Variants in KLK5 observed in about 807,000 individuals in gnomAD.
KLK5 encodes the protein kallikrein-5.
In KLK5, 18 loss-of-function variants were observed where a neutral mutation model predicts 24.0. The ratio of observed to expected loss-of-function variants is 0.75; its 90% CI spans 0.52 to 1.11. The LOEUF is 1.11. KLK5 is among the 50% of genes most tolerant of loss of function. KLK5 has a pLI of 0.00. For synonymous variants in KLK5, 140 were observed against 154.0 expected (o/e 0.91, Z 0.67); for missense variants, 374 against 379.2 (o/e 0.99, Z 0.11).
chr19:50,944,531 C>G (rs1218453280), intron 5 of KLK5, among the ~76,000 whole-genome samples: 3 of 152,128 alleles, frequency 2.0e-5, no homozygotes, highest in Admixed American at 1.3e-4. Context: ...ATTTCTCTTA[C>G]TGGACACACA....
chr19:50,949,756 CCACCAGCCCTCACCTCCATGACA>C, intron 3 of KLK5, 76 bp downstream of exon 3: 5 of 826,256 alleles, frequency 6.1e-6, no homozygotes, highest in South Asian at 4.0e-5. Flanking sequence ...TTCCCCGTCC[CCACCAGCCCTCACCTCCATGACA>C]CCCCCACCCC....
rs963703229 is a variant in KLK5 at position 50,948,784 on chromosome 19, G to T, written c.593-11C>A. The T allele has an allele frequency of 6.2e-7, 1 of 1,614,132 alleles. No homozygotes were observed. Among genetic ancestry groups the T allele is most frequent in the Non-Finnish European group, 8.5e-7 (1 of 1,180,022 alleles). ...CCTTAGGGAAGTGCACTGTCAAACA[G>T]GAACACAATGAGAAGTGGAGAAAGA... On this transcript the variant is annotated splice_polypyrimidine_tract_variant and intron_variant, in intron 4 of 5. Coordinates refer to ENST00000336334, the MANE Select transcript of KLK5 (RefSeq NM_012427.5).
chr19:50,948,305 T>A (rs1438909720), intron 5 of KLK5, among the ~76,000 whole-genome samples: 1 of 152,120 alleles, frequency 6.6e-6, no homozygotes. Context: ...TATTTTTTTT[T>A]AGAGACAGAG....
Position 50,952,776 on chromosome 19 carries a change from A to G in KLK5, c.-41T>C. 1.6e-6 allele frequency: 1 copy of G among 637,878 alleles called. No individual in the cohort carries two copies. Among genetic ancestry groups the G allele is most frequent in the Non-Finnish European group, 2.6e-6 (1 of 387,230 alleles). The allele number at this position is 637,878 out of a possible 1,614,324, so 39.5% of individuals were successfully genotyped here. On this transcript the variant is annotated 5_prime_UTR_variant, in exon 1 of 6. Coordinates refer to ENST00000336334, the MANE Select transcript of KLK5 (RefSeq NM_012427.5). Reference sequence around the variant, plus strand: ...TTTCCCCAGGTAGAGAGGAACCACAAGGACGGGCCACCATCGGCACTGCGC... The same window carrying G: ...TTTCCCCAGGTAGAGAGGAACCACAGGGACGGGCCACCATCGGCACTGCGC...
intron 5 of KLK5, among the ~76,000 whole-genome samples, chr19:50,944,609 C>G (rs2090615141): frequency 6.6e-6 from 1 of 152,212 alleles, no homozygotes; most frequent in Non-Finnish European, 1.5e-5. Context: ...GTTCTCAGCC[C>G]CTGGATGAGG....
rs772411786 is a variant in KLK5, at chr19:50,952,634, C to G, written c.24G>C (p.Trp8Cys). The G allele has an allele frequency of 1.2e-6, 2 of 1,602,752 alleles. No individual in the cohort carries two copies. The highest frequency in any genetic ancestry group is 3.4e-5 in the Admixed American group (2 of 58,820). MATARPP[W>C]MWVLCALITA... ...TGATCAGAGCACAGAGCACCCACAT[C>G]CAGGGGGGTCTTGCTGTAGCCATGG... Residue 8 changes from tryptophan (W) to cysteine (C), a missense_variant, in exon 2 of 6, where the codon TGG becomes TGC. Coordinates refer to ENST00000336334, the MANE Select transcript of KLK5 (RefSeq NM_012427.5).
chr19:50,951,158 A>G (rs931796254), intron 2 of KLK5, among the ~76,000 whole-genome samples: 3 of 152,098 alleles, frequency 2.0e-5, no homozygotes, highest in African/African-American at 4.8e-5. Flanking sequence ...AGATGAAAAC[A>G]TGCCTTCTCA....
Position 50,949,776 on chromosome 19 carries a change from G to T in KLK5, c.335+79C>A. 9 of 458,464 alleles carry T rather than the reference G, an allele frequency of 2.0e-5. 2 individuals are homozygous for T. The highest frequency in any genetic ancestry group is 2.7e-5 in the South Asian group (1 of 37,700). The allele number at this position is 458,464 out of a possible 1,614,324, so 28.4% of individuals were successfully genotyped here. On this transcript the variant is annotated intron_variant, in intron 3 of 5. Coordinates refer to ENST00000336334, the MANE Select transcript of KLK5 (RefSeq NM_012427.5). ...CGTCCCCACCAGCCCTCACCTCCATGACACCCCCACCCCCACTTCCCCACC... is the reference window on the plus strand; with the variant it reads ...CGTCCCCACCAGCCCTCACCTCCATTACACCCCCACCCCCACTTCCCCACC...
intron 3 of KLK5, 110 bp from the exon 4 acceptor site, chr19:50,949,225 C>A: frequency 9.5e-7 from 1 of 1,056,682 alleles, no homozygotes; most frequent in South Asian, 1.6e-5. Context: ...CACCCCCGGT[C>A]CCCAAACCAT....
In KLK5 at chr19:50,949,994, G is replaced by GGCT; in HGVS notation, c.193_195dup (p.Ser65dup). ...TCGCAGTCGGATCCATTGATGATGC[G>GGCT]GCTGCTGCTGTCATCCGACCGGGCG... On this transcript the variant is annotated inframe_insertion, in exon 3 of 6. Transcript: ENST00000336334. The GGCT allele has an allele frequency of 1.2e-6, 2 of 1,613,580 alleles. No individual in the cohort carries two copies. The highest frequency in any genetic ancestry group is 1.7e-6 in the Non-Finnish European group (2 of 1,179,934).
rs952190734 is a variant in KLK5 at position 50,948,910 on chromosome 19, C to G, written c.541G>C (p.Ala181Pro). 9.3e-6 allele frequency: 15 copies of G among 1,613,924 alleles called. No individual in the cohort carries two copies. The highest frequency in any genetic ancestry group is 1.3e-5 in the Non-Finnish European group (15 of 1,180,018). Reference sequence around the variant, plus strand: ...CCAGACACCAAGCACTTTGTCCCAGCAGAGGGACAATGAGAGGAGACGTTG... The same window carrying G: ...CCAGACACCAAGCACTTTGTCCCAGGAGAGGGACAATGAGAGGAGACGTTG... ...PINVSSHCPS[A>P]GTKCLVSGWG... The change falls in exon 4 of 6, where the codon GCT becomes CCT. Residue 181 changes from alanine (A) to proline (P), a missense_variant. Transcript: ENST00000336334.
Position 50,949,092 on chromosome 19 carries a change from T to C in KLK5, c.359A>G (p.His120Arg), listed in dbSNP as rs1455191633. ...TTCATAAACTGGTGACAGGGAGTAG[T>C]GGCCGAGACGGACTCTGAAAACTCT... The part of the protein sequence containing the change: ...RKKVFRVRLG[H>R]YSLSPVYESG... Residue 120 changes from histidine to arginine, a missense_variant, in exon 4 of 6, where the codon CAC becomes CGC. Coordinates refer to ENST00000336334, the MANE Select transcript of KLK5 (RefSeq NM_012427.5). The C allele has an allele frequency of 6.2e-7, 1 of 1,612,920 alleles. No individual in the cohort carries two copies. Among genetic ancestry groups the C allele is most frequent in the African/African-American group, 1.3e-5 (1 of 74,872 alleles).
At chr19:50,945,820 A>AAGAAAAGAAAAGAAAAG (rs1600069680) in intron 5 of KLK5, among the ~76,000 whole-genome samples, 2 of 152,182 alleles carry the variant, frequency 1.3e-5, no homozygotes, top group Non-Finnish European at 2.9e-5. Context: ...AAGAAAAGAA[A>AAGAAAAGAAAAGAAAAG]TAAATATGTA....
chr19:50,950,929 T>TCTAG (rs1179787001), intron 2 of KLK5, among the ~76,000 whole-genome samples: 1 of 140,160 alleles, frequency 7.1e-6, no homozygotes, highest in Non-Finnish European at 1.5e-5. Flanking sequence ...TGAAGGGGGT[T>TCTAG]CTAGAAGGTA....
At position 50,950,132 on chromosome 19, in the gene KLK5, G is replaced by T. The variant is rs760744219; in HGVS notation, c.74-16C>A. The T allele has an allele frequency of 6.2e-7, 1 of 1,605,520 alleles. No homozygotes were observed. Among genetic ancestry groups the T allele is most frequent in the South Asian group, 1.1e-5 (1 of 90,976 alleles). ...AGAACATGCTCTGGGAACGGAAAAT[G>T]GGTTGGGCGGGGCTCAGAGGCGGGG... is the stretch of plus-strand genomic sequence containing the variant. On this transcript the variant is annotated splice_polypyrimidine_tract_variant and intron_variant, in intron 2 of 5. Transcript: ENST00000336334.
intron 3 of KLK5, 58 bp downstream of exon 3, chr19:50,949,797 C>CCGTCCCCACCAGCCCTCCCCTCCATGA (rs1555778799): frequency 4.7e-6 from 1 of 213,392 alleles, no homozygotes. Flanking sequence ...CCCCACTTCC[C>CCGTCCCCACCAGCCCTCCCCTCCATGA]CACCCCCACC....
chr19:50,952,567 CCCCAGAGTT>C lies in KLK5; in HGVS notation c.73+9_73+17del, dbSNP rs1212839443. On this transcript the variant is annotated intron_variant, in intron 2 of 5. Coordinates refer to ENST00000336334, the MANE Select transcript of KLK5 (RefSeq NM_012427.5). ...TCCTCCCAATCCCACAACCCTCCCA[CCCCAGAGTT>C]CTGGTTACCTGTGACCCCCAGAAGC... 1.3e-6 allele frequency: 2 copies of C among 1,582,982 alleles called. No individual in the cohort carries two copies. The highest frequency in any genetic ancestry group is 1.7e-6 in the Non-Finnish European group (2 of 1,161,742).
At chr19:50,949,739 A>ACCCCCCCTCCCCCC in intron 3 of KLK5, 116 bp downstream of exon 3, 1 of 432,332 alleles carries the variant, frequency 2.3e-6, no homozygotes, top group South Asian at 2.4e-5. Context: ...GACACCCCCA[A>ACCCCCCCTCCCCCC]CCCCACTTCC....
In KLK5 at chr19:50,947,500, T is replaced by C. The variant is rs1021711565; in HGVS notation, c.726+1140A>G. ...TATTGTTTACTATCCTAAAACCATG[T>C]TTTATTTTGGGGTTAACCTTTACCA... On this transcript the variant is annotated intron_variant, in intron 5 of 5. Coordinates refer to ENST00000336334, the MANE Select transcript of KLK5 (RefSeq NM_012427.5). The surrounding 1 kb of genome is among the most constrained non-coding windows in gnomAD (Gnocchi z 8.7). Among the ~76,000 whole-genome samples, 2 of 152,290 alleles carry C rather than the reference T, an allele frequency of 1.3e-5. No individual in the cohort carries two copies. The highest frequency in any genetic ancestry group is 4.8e-5 in the African/African-American group (2 of 41,570).
Sources: allele counts gnomAD v4.1 joint callset (sites outside exome capture counted in the v4.1 genomes callset), GRCh38; gene constraint gnomAD v4.1.1; non-coding constraint Gnocchi (gnomAD v3.1); transcripts MANE v1.5; gene names NCBI Gene and HGNC (gene_info 2026-07-23, HGNC 2026-07-21).